Variants in ANKRD26 observed in about 807,000 individuals in gnomAD.
ANKRD26 encodes the protein ankyrin repeat domain-containing protein 26.
A neutral mutation model predicts 208.7 loss-of-function variants in ANKRD26; 141 were observed. The observed-to-expected ratio is 0.68, with a 90% CI of 0.59 to 0.78. ANKRD26 has a LOEUF of 0.78. Ranked by LOEUF, ANKRD26 falls within the 30% of genes least tolerant of loss-of-function variation. The probability of loss-of-function intolerance (pLI) is 0.00; values close to 1 mark genes in which losing one functional copy is unlikely to be tolerated. For synonymous variants in ANKRD26, 636 were observed against 660.4 expected, an observed-to-expected ratio of 0.96 and a Z score of 0.57; for missense variants, 1,889 against 1,938.7, an observed-to-expected ratio of 0.97 and a Z score of 0.48.
At chr10:27,082,904 C>A in intron 5 of ANKRD26, 71 bp from the exon 6 acceptor site, 1 of 1,518,174 alleles carries the variant, frequency 6.6e-7, no homozygotes, top group Non-Finnish European at 8.9e-7. Flanking sequence ...AAGCATAAGA[C>A]TGATAGTTTG....
At chr10:26,977,347 A>G (rs968602772) in intron 5 of ANKRD26, among the ~76,000 whole-genome samples, 1 of 152,222 alleles carries the variant, frequency 6.6e-6, no homozygotes, top group Non-Finnish European at 1.5e-5. Flanking sequence ...AAGTGTTTGG[A>G]GCCAACTGGT....
intron 4 of ANKRD26, among the ~76,000 whole-genome samples, chr10:27,087,792 C>T (rs908767270): frequency 6.6e-6 from 1 of 152,126 alleles, no homozygotes. Flanking sequence ...CAAAACTCTA[C>T]TTTTATTTAG....
At position 27,100,410 on chromosome 10, in the gene ANKRD26, C is replaced by T; in HGVS notation, c.-84G>A. The T allele has an allele frequency of 1.3e-6, 2 of 1,567,740 alleles. No individual in the cohort carries two copies. Among genetic ancestry groups the T allele is most frequent in the African/African-American group, 2.7e-5 (2 of 73,558 alleles). On this transcript the variant is annotated 5_prime_UTR_variant, in exon 1 of 34. Transcript: ENST00000376087. ...CGGAGCCCAACATAACAAGTCAGCC[C>T]CGGCTGGCCGCAGCCTCCCAAAGGA...
chr10:27,093,112 A>G (rs1345433295), intron 3 of ANKRD26, among the ~76,000 whole-genome samples: 1 of 152,154 alleles, frequency 6.6e-6, no homozygotes. Flanking sequence ...ATTTGCCTTT[A>G]ACAAATTGTG....
the ANKRD26 span, among the ~76,000 whole-genome samples, chr10:26,955,436 A>T: frequency 3.3e-3 from 496 of 152,070 alleles, 1 homozygote; most frequent in East Asian, 0.01. Flanking sequence ...CTCAAAAAAA[A>T]AAATATATAT....
At chr10:26,948,567 A>T in the ANKRD26 span, among the ~76,000 whole-genome samples, 4 of 152,246 alleles carry the variant, frequency 2.6e-5, no homozygotes, top group African/African-American at 9.6e-5. Flanking sequence ...ATTTTGAGCC[A>T]ATTAAATTGG....
intron 5 of ANKRD26, among the ~76,000 whole-genome samples, chr10:26,977,563 T>A (rs1162587700): frequency 6.6e-6 from 1 of 152,184 alleles, no homozygotes; most frequent in Non-Finnish European, 1.5e-5. Flanking sequence ...AAATATGCAT[T>A]TTGCACAGGC....
At chr10:27,090,197 GC>G (rs2056254307) in intron 4 of ANKRD26, among the ~76,000 whole-genome samples, 1 of 152,148 alleles carries the variant, frequency 6.6e-6, no homozygotes, top group African/African-American at 2.4e-5. Context: ...TGTGATCCTA[GC>G]ACTTTGGGAG....
At chr10:26,949,728 C>A in the ANKRD26 span, among the ~76,000 whole-genome samples, 1 of 152,136 alleles carries the variant, frequency 6.6e-6, no homozygotes, top group Admixed American at 6.5e-5. Flanking sequence ...TGGCCTTGAA[C>A]TCCTGACCTC....
intron 27 of ANKRD26, among the ~76,000 whole-genome samples, chr10:27,028,150 T>G (rs2053729861): frequency 6.6e-6 from 1 of 152,184 alleles, no homozygotes; most frequent in African/African-American, 2.4e-5. Flanking sequence ...GAGGAACATC[T>G]GAAAATTTGA....
intron 1 of ANKRD26, among the ~76,000 whole-genome samples, chr10:27,097,136 C>A (rs987094127): frequency 1.3e-5 from 2 of 150,786 alleles, no homozygotes; most frequent in African/African-American, 4.9e-5. Context: ...GAGCCGAGAT[C>A]ACACCATTGC....
In ANKRD26 at chr10:27,043,497, T is replaced by C; in HGVS notation, c.2090A>G (p.Asp697Gly). The C allele has an allele frequency of 2.5e-6, 4 of 1,613,966 alleles. No homozygotes were observed. The highest frequency in any genetic ancestry group is 3.4e-6 in the Non-Finnish European group (4 of 1,179,912). ...GTAACTAGAGTGGGGTAGCTCACAA[T>C]CCTCTGAGGCTGTTTCAGATGACTG... ...LTQSSETASE[D>G]CELPHSSYKN... Residue 697 changes from aspartate (D) to glycine (G), a missense_variant, in exon 20 of 34, where the codon GAT (aspartate) becomes GGT (glycine). By Grantham distance (94) the Asp-to-Gly change is moderately conservative. This residue lies in a region of ANKRD26 where 1,272 missense variants were observed against 1,273.8 expected (regional missense o/e 1.00). Coordinates refer to ENST00000376087, the MANE Select transcript of ANKRD26 (RefSeq NM_014915.3).
intron 29 of ANKRD26, among the ~76,000 whole-genome samples, chr10:27,021,701 T>G (rs2053495318): frequency 6.6e-6 from 1 of 152,196 alleles, no homozygotes; most frequent in South Asian, 2.1e-4. Flanking sequence ...GTCAGATGAA[T>G]AGTTTGTTAT....
chr10:27,016,266 G>C (rs118169587), intron 30 of ANKRD26, among the ~76,000 whole-genome samples: 2,211 of 152,146 alleles, frequency 0.015, 32 homozygotes, highest in Middle Eastern at 0.031. Context: ...TAGGATTACA[G>C]GTGTGAGCTA....
At chr10:27,097,062 A>C (rs2056490302) in intron 1 of ANKRD26, among the ~76,000 whole-genome samples, 1 of 152,078 alleles carries the variant, frequency 6.6e-6, no homozygotes, top group East Asian at 1.9e-4. Context: ...CGTGCCTGGA[A>C]TCTCAGCTAC....
At position 27,093,276 on chromosome 10, in the gene ANKRD26, T is replaced by C. The variant is rs12261617; in HGVS notation, c.531+73A>G. The C allele has an allele frequency of 2.1e-6, 3 of 1,423,524 alleles. No individual in the cohort carries two copies. In the Admixed American group the frequency reaches 5.8e-5, roughly 27 times the overall value. The allele number at this position is 1,423,524 out of a possible 1,614,324, so 88.2% of individuals were successfully genotyped here. On this transcript the variant is annotated intron_variant, in intron 3 of 33. Coordinates refer to ENST00000376087, the MANE Select transcript of ANKRD26 (RefSeq NM_014915.3). ...GCTTGCGCTTCCAAATACAGAAAAC[T>C]AACCCTTACATATGTCACTGTTGAA... is the stretch of plus-strand genomic sequence containing the variant.
In ANKRD26 at chr10:27,005,192, C is replaced by T; in HGVS notation, c.*398G>A. 1.0e-6 allele frequency: 1 copy of T among 990,166 alleles called. No individual in the cohort carries two copies. Among genetic ancestry groups the T allele is most frequent in the Non-Finnish European group, 1.2e-6 (1 of 833,200 alleles). 61.3% of individuals were successfully genotyped at this position (990,166 alleles called of 1,614,324 possible). On this transcript the variant is annotated 3_prime_UTR_variant, in exon 34 of 34. Coordinates refer to ENST00000376087, the MANE Select transcript of ANKRD26 (RefSeq NM_014915.3). ...TGATGGCACTGTAACAATTGTAATA[C>T]ATCCAAACATGAACAATGACCACAG...
At chr10:27,022,722 TA>T in intron 28 of ANKRD26, 35 bp from the exon 29 acceptor site, 1 of 1,550,938 alleles carries the variant, frequency 6.4e-7, no homozygotes, top group Non-Finnish European at 8.8e-7. Context: ...ACTCAAGTTT[TA>T]AAAAGGCAAA....
At chr10:26,958,073 T>TTATATATATATATATATA in the ANKRD26 span, among the ~76,000 whole-genome samples, 1,208 of 144,096 alleles carry the variant, frequency 8.4e-3, 8 homozygotes, top group Middle Eastern at 0.033. Context: ...TCACCCAGTT[T>TTATATATATATATATATA]TATATATATA....
Sources: gnomAD v4.1 joint callset for allele counts (sites outside exome capture counted in the v4.1 genomes callset) on GRCh38, gnomAD v4.1.1 for gene constraint, gnomAD v4.1.1 regional missense constraint, MANE v1.5 for transcripts, NCBI Gene and HGNC (gene_info 2026-07-23, HGNC 2026-07-21) for gene names.